MYO18A: variants seen among roughly 807,000 people sequenced by gnomAD.
MYO18A encodes myosin XVIIIA.
A neutral mutation model predicts 235.8 loss-of-function variants in MYO18A; 78 were observed. The ratio of observed to expected loss-of-function variants is 0.33; its 90% CI spans 0.28 to 0.40. The LOEUF (loss-of-function observed/expected upper bound fraction) is 0.40, where lower values mean the gene tolerates loss of function less well. Among genes scored for constraint, MYO18A ranks in the 10% least tolerant of loss-of-function variants. The probability of loss-of-function intolerance (pLI) is 1.00; values close to 1 mark genes in which losing one functional copy is unlikely to be tolerated. For missense variants in MYO18A, 2,215 were observed against 2,699.3 expected, an observed-to-expected ratio of 0.82 and a Z score of 3.98; for synonymous variants, 977 against 1,077.8, an observed-to-expected ratio of 0.91 and a Z score of 1.83.
chr17:29,159,212 C>T (rs592689), intron 2 of MYO18A, among the ~76,000 whole-genome samples: 1 of 152,114 alleles, frequency 6.6e-6, no homozygotes, highest in Non-Finnish European at 1.5e-5. Context: ...TGGAAATGAT[C>T]TAGTCCACTG....
At chr17:29,139,749 C>T (rs1446488833) in intron 2 of MYO18A, among the ~76,000 whole-genome samples, 1 of 152,062 alleles carries the variant, frequency 6.6e-6, no homozygotes, top group Non-Finnish European at 1.5e-5. Flanking sequence ...TCAGAGCATC[C>T]CCAACACGCC....
chr17:29,118,549 G>GCCCATCAT lies in MYO18A; in HGVS notation c.1830-117_1830-110dup. On this transcript the variant is annotated intron_variant, in intron 8 of 41. Transcript: ENST00000527372. This position sits in a 1 kb window ranked among gnomAD's most constrained non-coding sequence, Gnocchi z 4.2. Reference sequence around the variant, plus strand: ...AGCTTCCAGACTCCAAGTTTTGTCTGCCCATCATCCCATCATCCCCAACTG... The same window carrying GCCCATCAT: ...AGCTTCCAGACTCCAAGTTTTGTCTGCCCATCATCCCATCATCCCATCATCCCCAACTG... 1.0e-6 allele frequency: 1 copy of GCCCATCAT among 994,794 alleles called. No individual in the cohort carries two copies. The highest frequency in any genetic ancestry group is 2.7e-5 in the East Asian group (1 of 37,598). The allele number at this position is 994,794 out of a possible 1,614,324, so 61.6% of individuals were successfully genotyped here. A position where few individuals can be genotyped will look rare whatever the true frequency, so the allele number is the denominator to read the frequency against.
At chr17:29,080,846 C>A (rs891130616) in intron 41 of MYO18A, 2 of 985,426 alleles carry the variant, frequency 2.0e-6, no homozygotes, top group Non-Finnish European at 2.4e-6. Flanking sequence ...GGGGGCCTCT[C>A]AGGGGAGGCC....
At chr17:29,167,853 C>T (rs954510521) in intron 1 of MYO18A, among the ~76,000 whole-genome samples, 3 of 152,156 alleles carry the variant, frequency 2.0e-5, no homozygotes, top group Non-Finnish European at 4.4e-5. Context: ...CCTTAGCCAC[C>T]GCCTAACAGA....
At position 29,097,256 on chromosome 17, in the gene MYO18A, C is replaced by T; in HGVS notation, c.4197G>A (p.Val1399=). The change falls in exon 27 of 42, where the codon GTG becomes GTA. Residue 1399 remains valine, a synonymous_variant. Coordinates refer to ENST00000527372, the MANE Select transcript of MYO18A (RefSeq NM_078471.4). ...CCAGCTGCCTCTTGTTCTGCTGCTC[C>T]ACCTCCAGCTTGTCCTCAAACTCCT... The part of the protein sequence containing the change: ...LQQEFEDKLE[V]EQQNKRQLER... 1 of 1,611,160 alleles carries T rather than the reference C, an allele frequency of 6.2e-7. No individual in the cohort carries two copies. Among genetic ancestry groups the T allele is most frequent in the Non-Finnish European group, 8.5e-7 (1 of 1,179,854 alleles).
intron 37 of MYO18A, among the ~76,000 whole-genome samples, chr17:29,088,114 C>T (rs947463414): frequency 7.2e-6 from 1 of 138,654 alleles, no homozygotes; most frequent in Non-Finnish European, 1.5e-5. Flanking sequence ...AGTGCAGTGG[C>T]GCGATCTCCG....
At chr17:29,101,586 C>T (rs921298831) in intron 21 of MYO18A, among the ~76,000 whole-genome samples, 8 of 152,308 alleles carry the variant, frequency 5.3e-5, no homozygotes, top group East Asian at 1.9e-4. Flanking sequence ...GGATTGCAGG[C>T]GTGAGCCACC....
At chr17:29,132,372 T>A (rs72817623) in intron 2 of MYO18A, among the ~76,000 whole-genome samples, 4,119 of 152,234 alleles carry the variant, frequency 0.027, 75 homozygotes, top group Non-Finnish European at 0.035. Flanking sequence ...CACCAGTATC[T>A]CTCCCTCCAA....
chr17:29,154,636 C>T (rs1464386712), intron 2 of MYO18A, among the ~76,000 whole-genome samples: 1 of 152,226 alleles, frequency 6.6e-6, no homozygotes, highest in African/African-American at 2.4e-5. Context: ...GGGGACTCGA[C>T]CCAGCCTGTG....
intron 34 of MYO18A, among the ~76,000 whole-genome samples, chr17:29,092,130 T>C (rs1189589590): frequency 6.6e-6 from 1 of 152,202 alleles, no homozygotes; most frequent in Non-Finnish European, 1.5e-5. Flanking sequence ...CCTTGCTGGC[T>C]CCCTCTTCTG....
At chr17:29,174,543 G>A (rs1280381534) in intron 1 of MYO18A, among the ~76,000 whole-genome samples, 1 of 152,066 alleles carries the variant, frequency 6.6e-6, no homozygotes, top group African/African-American at 2.4e-5. Flanking sequence ...TGCTGGGCAT[G>A]GTGGCTCACA....
chr17:29,146,340 T>C (rs2067849629), intron 2 of MYO18A, among the ~76,000 whole-genome samples: 1 of 151,994 alleles, frequency 6.6e-6, no homozygotes, highest in Admixed American at 6.6e-5. Flanking sequence ...CTGGAAGAAA[T>C]GTATGACACA....
At chr17:29,104,173 G>A (rs970905757) in intron 20 of MYO18A, among the ~76,000 whole-genome samples, 1 of 152,170 alleles carries the variant, frequency 6.6e-6, no homozygotes, top group Non-Finnish European at 1.5e-5. Flanking sequence ...GCCCCTGAAG[G>A]GTTCTCTTAG....
At chr17:29,144,792 T>C (rs1202061841) in intron 2 of MYO18A, among the ~76,000 whole-genome samples, 2 of 152,210 alleles carry the variant, frequency 1.3e-5, no homozygotes, top group Non-Finnish European at 2.9e-5. Context: ...GGTGCTCTAT[T>C]ATATACAGTG....
chr17:29,115,214 G>A (rs2067028622), intron 13 of MYO18A, 115 bp from the exon 14 acceptor site: 5 of 1,418,078 alleles, frequency 3.5e-6, no homozygotes, highest in Non-Finnish European at 3.8e-6. Flanking sequence ...GGGAGGGCAT[G>A]CTGGCCTTGC....
intron 2 of MYO18A, among the ~76,000 whole-genome samples, chr17:29,143,403 T>G (rs983366700): frequency 9.2e-5 from 11 of 119,020 alleles, no homozygotes; most frequent in Non-Finnish European, 8.2e-5. Context: ...ACCATGTAGG[T>G]TTTTTTTTTT....
chr17:29,120,381 T>C lies in MYO18A; in HGVS notation c.1728+235A>G, dbSNP rs1327371127. Among the ~76,000 whole-genome samples the C allele has an allele frequency of 1.3e-5, 2 of 151,812 alleles. No individual in the cohort carries two copies. The highest frequency in any genetic ancestry group is 1.5e-5 in the Non-Finnish European group (1 of 67,932). ...CAGTAGAGTTAGGACAACCCCAGGG[T>C]TGGGAGAGTGAAGGGAACTGGGCAG... is the stretch of plus-strand genomic sequence containing the variant. On this transcript the variant is annotated intron_variant, in intron 7 of 41. Coordinates refer to ENST00000527372, the MANE Select transcript of MYO18A (RefSeq NM_078471.4). This position sits in a 1 kb window ranked among gnomAD's most constrained non-coding sequence, Gnocchi z 4.2.
intron 36 of MYO18A, 58 bp from the exon 37 acceptor site, chr17:29,090,156 C>T (rs759943780): frequency 1.1e-5 from 17 of 1,560,016 alleles, no homozygotes; most frequent in South Asian, 4.7e-5. Flanking sequence ...GAGGAGACTG[C>T]GTCTGGGGCA....
Position 29,120,869 on chromosome 17 carries a change from C to T in MYO18A, c.1586-111G>A. The T allele has an allele frequency of 1.3e-6, 2 of 1,563,484 alleles. No homozygotes were observed. Among genetic ancestry groups the T allele is most frequent in the African/African-American group, 1.3e-5 (1 of 74,150 alleles). Reference sequence around the variant, plus strand: ...TTGGGGCCATTCAGACCAGAACTGCCCGTGGACAGAGGGGTTTCGGGGGGA... The same window carrying T: ...TTGGGGCCATTCAGACCAGAACTGCTCGTGGACAGAGGGGTTTCGGGGGGA... On this transcript the variant is annotated intron_variant, in intron 6 of 41. Transcript: ENST00000527372. This position sits in a 1 kb window ranked among gnomAD's most constrained non-coding sequence, Gnocchi z 4.2.
Sources: gnomAD v4.1 joint callset for allele counts (sites outside exome capture counted in the v4.1 genomes callset) on GRCh38, gnomAD v4.1.1 for gene constraint, Gnocchi (gnomAD v3.1) non-coding constraint, MANE v1.5 for transcripts, NCBI Gene and HGNC (gene_info 2026-07-23, HGNC 2026-07-21) for gene names.